LNP1: variants seen among roughly 807,000 people sequenced by gnomAD.
LNP1 encodes leukemia NUP98 fusion partner 1.
A neutral mutation model predicts 14.5 loss-of-function variants in LNP1; 12 were observed. That is an observed-to-expected ratio of 0.83 (90% CI 0.53 to 1.34). LNP1 has a LOEUF of 1.34. Among genes scored for constraint, LNP1 ranks in the 40% most tolerant of loss-of-function variants. LNP1 has a pLI of 0.00. For missense variants in LNP1, 198 were observed against 210.9 expected (o/e 0.94, Z 0.38); for synonymous variants, 75 against 71.4 (o/e 1.05, Z -0.26).
At chr3:100,417,376 T>C (rs915932968) in intron 1 of LNP1, among the ~76,000 whole-genome samples, 3 of 124,590 alleles carry the variant, frequency 2.4e-5, no homozygotes, top group Non-Finnish European at 4.9e-5. Flanking sequence ...TTTTTCTTTT[T>C]TTTTTTTTTT....
At chr3:100,441,911 C>T (rs935253068) in intron 2 of LNP1, among the ~76,000 whole-genome samples, 3 of 151,996 alleles carry the variant, frequency 2.0e-5, no homozygotes, top group East Asian at 1.9e-4. Flanking sequence ...GTGATCCACT[C>T]GCCTCGGCCT....
intron 3 of LNP1, among the ~76,000 whole-genome samples, chr3:100,453,424 TAAA>T (rs778105596): frequency 7.5e-6 from 1 of 134,214 alleles, no homozygotes; most frequent in African/African-American, 2.8e-5. Context: ...CTACGAAAAT[TAAA>T]AAAAAAAAAA....
intron 3 of LNP1, 36 bp from the exon 4 acceptor site, chr3:100,455,741 G>C (rs1480119442): frequency 1.2e-6 from 2 of 1,608,154 alleles, no homozygotes; most frequent in Non-Finnish European, 1.7e-6. Context: ...TCAGCTGCTT[G>C]TGCATTTTTA....
At chr3:100,419,482 GCA>G (rs1185679884) in intron 1 of LNP1, among the ~76,000 whole-genome samples, 1 of 151,976 alleles carries the variant, frequency 6.6e-6, no homozygotes, top group Non-Finnish European at 1.5e-5. Context: ...CACTAGCTAT[GCA>G]CACACTCATT....
chr3:100,403,134 C>G (rs1366510105), intron 1 of LNP1, among the ~76,000 whole-genome samples: 1 of 152,156 alleles, frequency 6.6e-6, no homozygotes, highest in Non-Finnish European at 1.5e-5. Context: ...TGATCTGATG[C>G]ATGTTTTTCT....
intron 1 of LNP1, among the ~76,000 whole-genome samples, chr3:100,404,873 A>G (rs1385126200): frequency 1.4e-5 from 2 of 146,618 alleles, no homozygotes; most frequent in Non-Finnish European, 3.0e-5. Context: ...GCTTACTGCA[A>G]CCTCTGCCTC....
At chr3:100,442,452 A>G (rs1482227243) in intron 2 of LNP1, among the ~76,000 whole-genome samples, 1 of 152,212 alleles carries the variant, frequency 6.6e-6, no homozygotes, top group Non-Finnish European at 1.5e-5. Flanking sequence ...GGGAGACATG[A>G]GACATCAATC....
At chr3:100,413,790 A>C (rs1707051954) in intron 1 of LNP1, among the ~76,000 whole-genome samples, 1 of 152,194 alleles carries the variant, frequency 6.6e-6, no homozygotes, top group African/African-American at 2.4e-5. Context: ...TTTGCATGAA[A>C]ATGCTGGTCC....
intron 1 of LNP1, among the ~76,000 whole-genome samples, chr3:100,426,472 T>A (rs755155100): frequency 6.6e-6 from 1 of 152,162 alleles, no homozygotes; most frequent in African/African-American, 2.4e-5. Context: ...CAAGTCCAAT[T>A]GACAAGAAAT....
chr3:100,433,784 T>G (rs1707265591), intron 2 of LNP1, among the ~76,000 whole-genome samples: 1 of 152,248 alleles, frequency 6.6e-6, no homozygotes, highest in Non-Finnish European at 1.5e-5. Flanking sequence ...GGTATCTCAT[T>G]GTGGTTTTGA....
At chr3:100,424,577 C>A (rs773074571) in intron 1 of LNP1, among the ~76,000 whole-genome samples, 4 of 152,208 alleles carry the variant, frequency 2.6e-5, no homozygotes, top group Non-Finnish European at 5.9e-5. Flanking sequence ...CACACTCTGC[C>A]TACCACATAC....
At chr3:100,443,192 A>C (rs147465718) in intron 2 of LNP1, among the ~76,000 whole-genome samples, 5 of 152,356 alleles carry the variant, frequency 3.3e-5, no homozygotes, top group Non-Finnish European at 7.3e-5. Flanking sequence ...AAAGAAGGAA[A>C]AAATGGAAAA....
intron 2 of LNP1, among the ~76,000 whole-genome samples, chr3:100,430,801 T>G (rs1386527862): frequency 6.6e-6 from 1 of 152,226 alleles, no homozygotes; most frequent in Non-Finnish European, 1.5e-5. Flanking sequence ...TAAGGCAACC[T>G]CTATTACTCC....
intron 2 of LNP1, among the ~76,000 whole-genome samples, chr3:100,449,562 G>A (rs1707419140): frequency 6.6e-6 from 1 of 152,078 alleles, no homozygotes; most frequent in Admixed American, 6.6e-5. Flanking sequence ...AGAAGTAAAT[G>A]AAGAAAACAG....
Position 100,456,029 on chromosome 3 carries a change from A to G in LNP1, c.*103A>G. 7.7e-7 allele frequency: 1 copy of G among 1,293,322 alleles called. No homozygotes were observed. Among genetic ancestry groups the G allele is most frequent in the Non-Finnish European group, 1.1e-6 (1 of 932,820 alleles). The allele number at this position is 1,293,322 out of a possible 1,614,324, so 80.1% of individuals were successfully genotyped here. A position where few individuals can be genotyped will look rare whatever the true frequency, so the allele number is the denominator to read the frequency against. On this transcript the variant is annotated 3_prime_UTR_variant, in exon 4 of 4. Transcript: ENST00000383693. ...TGTGGATGGGGGCGGGGTTGGGGGT[A>G]AAAACAGCTATAAAAAGCAACTGCA...
chr3:100,413,108 C>T (rs1285817051), intron 1 of LNP1, among the ~76,000 whole-genome samples: 1 of 152,242 alleles, frequency 6.6e-6, no homozygotes, highest in Non-Finnish European at 1.5e-5. Context: ...CCATCACAAC[C>T]ACCTTTATAG....
In LNP1 at chr3:100,406,995, T is replaced by A. The variant is rs79070001; in HGVS notation, c.-34+4556T>A. Reference sequence around the variant, plus strand: ...TTCCTCAATATTTTGTGCTTTCAATTTCACAATTTAAGTATTTTTATATTG... The same window carrying A: ...TTCCTCAATATTTTGTGCTTTCAATATCACAATTTAAGTATTTTTATATTG... On this transcript the variant is annotated intron_variant, in intron 1 of 3. Coordinates refer to ENST00000383693, the MANE Select transcript of LNP1 (RefSeq NM_001085451.2). 9.2e-5 allele frequency among the ~76,000 whole-genome samples: 14 copies of A among 152,366 alleles called. No individual in the cohort carries two copies. The East Asian group carries it at 2.3e-3, about 25-fold the overall frequency.
At chr3:100,440,322 A>G (rs1162633478) in intron 2 of LNP1, among the ~76,000 whole-genome samples, 1 of 152,222 alleles carries the variant, frequency 6.6e-6, no homozygotes, top group Non-Finnish European at 1.5e-5. Context: ...TCAGCCCATA[A>G]CAACATACAA....
intron 2 of LNP1, among the ~76,000 whole-genome samples, chr3:100,444,489 C>A (rs929024678): frequency 3.9e-5 from 6 of 152,296 alleles, no homozygotes; most frequent in African/African-American, 1.4e-4. Context: ...GTAATACCAA[C>A]TAAGCCAATT....
Sources: allele counts gnomAD v4.1 joint callset (sites outside exome capture counted in the v4.1 genomes callset), GRCh38; gene constraint gnomAD v4.1.1; transcripts MANE v1.5; gene names NCBI Gene and HGNC (gene_info 2026-07-23, HGNC 2026-07-21).